Variants in ASH1L observed in about 807,000 individuals in gnomAD.
The protein encoded by ASH1L is histone-lysine N-methyltransferase ASH1L.
ASH1L carries 23 observed loss-of-function variants against 269.0 expected under a neutral mutation model. That is an observed-to-expected ratio of 0.09 (90% CI 0.06 to 0.12). The LOEUF is 0.12. Among genes scored for constraint, ASH1L ranks in the 10% least tolerant of loss-of-function variants. The pLI, the probability that ASH1L is intolerant of heterozygous loss-of-function variation, is 1.00. For synonymous variants in ASH1L, 1,187 were observed against 1,253.5 expected, an observed-to-expected ratio of 0.95 and a Z score of 1.12; for missense variants, 2,912 against 3,567.8, an observed-to-expected ratio of 0.82 and a Z score of 4.68.
intron 7 of ASH1L, 39 bp from the exon 8 acceptor site, chr1:155,380,155 A>G: frequency 6.7e-7 from 1 of 1,496,036 alleles, no homozygotes; most frequent in South Asian, 1.1e-5. Context: ...TACCTTTTCT[A>G]ATATTTGCTT....
intron 21 of ASH1L, among the ~76,000 whole-genome samples, chr1:155,345,174 C>CT (rs397981613): frequency 0.7 from 44,790 of 64,140 alleles, 14,903 homozygotes; most frequent in South Asian, 0.83. Context: ...CCAGGATGGT[C>CT]TTTTTTTTTT....
At chr1:155,376,930 G>A (rs1467119008) in intron 10 of ASH1L, among the ~76,000 whole-genome samples, 1 of 151,060 alleles carries the variant, frequency 6.6e-6, no homozygotes, top group Non-Finnish European at 1.5e-5. Flanking sequence ...GGGGGGAGAT[G>A]GAGTTTCCCT....
rs754311294 is a variant in ASH1L at position 155,343,780 on chromosome 1, T to C, written c.7982-38A>G. 6.2e-7 allele frequency: 1 copy of C among 1,606,250 alleles called. No homozygotes were observed. The highest frequency in any genetic ancestry group is 8.5e-7 in the Non-Finnish European group (1 of 1,176,438). ...AGAACACAGAAGAAACATAAAACAATTCTTGTATGAATTCTGTTAGGCATC... is the reference window on the plus strand; with the variant it reads ...AGAACACAGAAGAAACATAAAACAACTCTTGTATGAATTCTGTTAGGCATC... On this transcript the variant is annotated intron_variant, in intron 22 of 27. Transcript: ENST00000392403. The surrounding 1 kb of genome is among the most constrained non-coding windows in gnomAD (Gnocchi z 6.1).
intron 1 of ASH1L, among the ~76,000 whole-genome samples, chr1:155,545,680 T>C (rs1032552758): frequency 3.3e-5 from 5 of 151,842 alleles, no homozygotes; most frequent in African/African-American, 1.2e-4. Context: ...ATTACAGAAT[T>C]TGCATTAGTT....
intron 1 of ASH1L, among the ~76,000 whole-genome samples, chr1:155,538,844 C>T (rs1670235858): frequency 6.6e-6 from 1 of 152,026 alleles, no homozygotes; most frequent in Non-Finnish European, 1.5e-5. Flanking sequence ...ATTTATTATA[C>T]TACTTAAGAC....
chr1:155,395,985 T>C (rs1194427966), intron 6 of ASH1L: 1 of 152,830 alleles, frequency 6.5e-6, no homozygotes, highest in Admixed American at 6.5e-5. Flanking sequence ...GGAAAGATGC[T>C]CTATAAGACT....
chr1:155,509,831 A>T (rs1175861634), intron 2 of ASH1L, among the ~76,000 whole-genome samples: 2 of 152,152 alleles, frequency 1.3e-5, no homozygotes, highest in South Asian at 4.1e-4. Flanking sequence ...AAGTGTTGGG[A>T]CAACCATGTA....
At chr1:155,551,215 C>CA (rs1203949080) in intron 1 of ASH1L, among the ~76,000 whole-genome samples, 1 of 152,098 alleles carries the variant, frequency 6.6e-6, no homozygotes, top group Non-Finnish European at 1.5e-5. Context: ...ACTGATATCT[C>CA]AAAGGACTAA....
intron 5 of ASH1L, among the ~76,000 whole-genome samples, chr1:155,429,007 CAT>C (rs140134856): frequency 6.6e-6 from 1 of 151,504 alleles, no homozygotes; most frequent in Non-Finnish European, 1.5e-5. Flanking sequence ...CTGGTCTCGG[CAT>C]ATATATATAT....
At chr1:155,357,078 TACACACACACACACAC>T (rs61213200) in intron 15 of ASH1L, among the ~76,000 whole-genome samples, 19 of 53,082 alleles carry the variant, frequency 3.6e-4, no homozygotes, top group East Asian at 1.7e-3. Flanking sequence ...ATCCCAGCTC[TACACACACACACACAC>T]ACACACACAC....
At chr1:155,339,268 T>A in intron 26 of ASH1L, 60 bp downstream of exon 26, 3 of 1,505,746 alleles carry the variant, frequency 2.0e-6, no homozygotes, top group Non-Finnish European at 2.8e-6. Flanking sequence ...TTTGTTTTCT[T>A]GATCCATTCA....
chr1:155,549,617 T>C, intron 1 of ASH1L, among the ~76,000 whole-genome samples: 1 of 133,964 alleles, frequency 7.5e-6, no homozygotes, highest in African/African-American at 2.9e-5. Flanking sequence ...AGAGCAAGAC[T>C]CAGTCTCAAA....
At chr1:155,353,048 C>T (rs944358493) in intron 16 of ASH1L, among the ~76,000 whole-genome samples, 190 bp from the exon 17 acceptor site, 1 of 152,204 alleles carries the variant, frequency 6.6e-6, no homozygotes, top group Non-Finnish European at 1.5e-5. Flanking sequence ...AGACAAAATG[C>T]TGCAAGAGGG....
intron 2 of ASH1L, among the ~76,000 whole-genome samples, chr1:155,518,955 C>T (rs896676542): frequency 6.6e-6 from 1 of 152,130 alleles, no homozygotes; most frequent in Non-Finnish European, 1.5e-5. Flanking sequence ...TAAAAGTGTA[C>T]AGTTCCTGAA....
At position 155,481,146 on chromosome 1, in the gene ASH1L, G is replaced by C; in HGVS notation, c.1724C>G (p.Ser575Cys). The C allele has an allele frequency of 6.2e-7, 1 of 1,614,124 alleles. No individual in the cohort carries two copies. Residue 575 changes from serine to cysteine, a missense_variant, in exon 3 of 28, where the codon TCT becomes TGT. Physicochemically the swap from Ser to Cys is moderately radical, Grantham distance 112 (BLOSUM62 -1). Transcript: ENST00000392403. Reference sequence around the variant, plus strand: ...TAATGGATTAGGAGCCAACTGTGAAGAAGTTTCAGGGGGACTTCTGGTTAA... The same window carrying C: ...TAATGGATTAGGAGCCAACTGTGAACAAGTTTCAGGGGGACTTCTGGTTAA... ...NPLTRSPPET[S>C]SQLAPNPLLL...
Position 155,378,494 on chromosome 1 carries a change from GT to G in ASH1L, c.6223+8del, listed in dbSNP as rs1235286415. 5.6e-6 allele frequency: 9 copies of G among 1,613,348 alleles called. No homozygotes were observed. Among genetic ancestry groups the G allele is most frequent in the Non-Finnish European group, 7.6e-6 (9 of 1,179,678 alleles). ...TAGAGGCAGAAAAAATAGCTCCTAA[GT>G]TACTCACTTGAACGAATTTTCTTAT... On this transcript the variant is annotated splice_region_variant and intron_variant, in intron 9 of 27. Transcript: ENST00000392403.
intron 7 of ASH1L, among the ~76,000 whole-genome samples, chr1:155,386,361 C>T (rs1187508850): frequency 6.6e-6 from 1 of 151,588 alleles, no homozygotes; most frequent in African/African-American, 2.4e-5. Context: ...AGCCACTGCG[C>T]CTGGCCAAGA....
chr1:155,423,677 C>T (rs959463594), intron 5 of ASH1L, among the ~76,000 whole-genome samples: 7 of 152,294 alleles, frequency 4.6e-5, no homozygotes, highest in African/African-American at 1.2e-4. Context: ...GGCACAGCTA[C>T]GGTGATGGCT....
At chr1:155,458,952 C>CTCT (rs1558127968) in intron 4 of ASH1L, among the ~76,000 whole-genome samples, 1 of 134,548 alleles carries the variant, frequency 7.4e-6, no homozygotes, top group Non-Finnish European at 1.6e-5. Flanking sequence ...CATCCTCTCT[C>CTCT]TTTTTTTTTT....
Sources: allele counts gnomAD v4.1 joint callset (sites outside exome capture counted in the v4.1 genomes callset), GRCh38; gene constraint gnomAD v4.1.1; non-coding constraint Gnocchi (gnomAD v3.1); transcripts MANE v1.5; gene names NCBI Gene and HGNC (gene_info 2026-07-23, HGNC 2026-07-21).